Variants in HLCS observed in about 807,000 individuals in gnomAD.
The protein encoded by HLCS is biotin--protein ligase.
HLCS carries 53 observed loss-of-function variants against 75.0 expected under a neutral mutation model. The observed-to-expected ratio is 0.71, with a 90% CI of 0.57 to 0.89. The LOEUF is 0.89. Ranked by LOEUF, HLCS falls within the 40% of genes least tolerant of loss-of-function variation. HLCS has a pLI of 0.00. For synonymous variants in HLCS, 431 were observed against 428.6 expected (o/e 1.01, Z -0.07); for missense variants, 966 against 1,074.0 (o/e 0.90, Z 1.41).
intron 5 of HLCS, among the ~76,000 whole-genome samples, chr21:36,901,473 C>T (rs2065234555): frequency 6.6e-6 from 1 of 152,202 alleles, no homozygotes; most frequent in Admixed American, 6.5e-5. Flanking sequence ...GGACTACAAA[C>T]CGGGTGGCTT....
chr21:36,954,118 C>A (rs1205862929), intron 2 of HLCS, among the ~76,000 whole-genome samples: 1 of 151,670 alleles, frequency 6.6e-6, no homozygotes, highest in Non-Finnish European at 1.5e-5. Context: ...CCATCCTAGG[C>A]AACATGGTGA....
intron 6 of HLCS, among the ~76,000 whole-genome samples, chr21:36,823,017 C>T (rs1358983050): frequency 1.3e-5 from 2 of 152,186 alleles, no homozygotes; most frequent in Non-Finnish European, 2.9e-5. Context: ...ACCTGTGAGC[C>T]TGGACTTCTC....
chr21:36,806,203 C>T (rs1043476247), intron 6 of HLCS: 1 of 152,306 alleles, frequency 6.6e-6, no homozygotes, highest in African/African-American at 2.4e-5. Flanking sequence ...GAGTTCAGCA[C>T]AGTCAGGACC....
At chr21:36,922,013 A>G (rs956849535) in intron 5 of HLCS, among the ~76,000 whole-genome samples, 8 of 152,226 alleles carry the variant, frequency 5.3e-5, no homozygotes, top group African/African-American at 1.9e-4. Context: ...ATAAATGTAT[A>G]TGCATATATA....
chr21:36,975,919 C>T (rs958738564), intron 1 of HLCS, among the ~76,000 whole-genome samples: 2 of 152,242 alleles, frequency 1.3e-5, no homozygotes, highest in African/African-American at 4.8e-5. Flanking sequence ...CTCAACAACT[C>T]TGCATGGTGA....
At chr21:36,896,540 C>T (rs553440912) in intron 6 of HLCS, 5 of 395,052 alleles carry the variant, frequency 1.3e-5, no homozygotes, top group Non-Finnish European at 2.4e-5. Flanking sequence ...AGAATGATAA[C>T]CTGAGCAATA....
intron 9 of HLCS, chr21:36,759,174 G>A (rs140757700): frequency 6.4e-6 from 3 of 471,168 alleles, no homozygotes; most frequent in East Asian, 6.9e-5. Context: ...GCCACAGAGT[G>A]AGGCTGATGA....
At chr21:36,909,321 A>C (rs1160594489) in intron 5 of HLCS, among the ~76,000 whole-genome samples, 1 of 152,270 alleles carries the variant, frequency 6.6e-6, no homozygotes, top group Admixed American at 6.5e-5. Flanking sequence ...ATTTTCTTGA[A>C]TATAAATCAT....
At chr21:36,920,555 G>A (rs891719534) in intron 5 of HLCS, among the ~76,000 whole-genome samples, 24 of 152,202 alleles carry the variant, frequency 1.6e-4, no homozygotes, top group African/African-American at 5.5e-4. Context: ...AAATGCTTGA[G>A]AAGATAGGTA....
At chr21:36,782,977 C>T (rs12627476) in intron 6 of HLCS, among the ~76,000 whole-genome samples, 13,011 of 151,720 alleles carry the variant, frequency 0.086, 605 homozygotes, top group Middle Eastern at 0.11. Flanking sequence ...ACTCTGTCTC[C>T]GAAAAAAACC....
chr21:36,985,355 G>A (rs1327651165), intron 1 of HLCS, among the ~76,000 whole-genome samples: 1 of 152,248 alleles, frequency 6.6e-6, no homozygotes, highest in Non-Finnish European at 1.5e-5. Flanking sequence ...AGCCCCGGCT[G>A]GGCGCGGTGG....
chr21:36,764,990 A>C (rs2089981623), intron 8 of HLCS, 22 bp downstream of exon 8: 3 of 1,613,142 alleles, frequency 1.9e-6, no homozygotes, highest in Non-Finnish European at 2.5e-6. Context: ...AGGGACATAG[A>C]AGGAGACTGA....
chr21:36,790,483 A>C (rs1326362599), intron 6 of HLCS, among the ~76,000 whole-genome samples: 1 of 152,184 alleles, frequency 6.6e-6, no homozygotes, highest in Non-Finnish European at 1.5e-5. Context: ...ACAGCCAACA[A>C]ACACACCAAA....
At chr21:36,976,276 G>C (rs2068934227) in intron 1 of HLCS, among the ~76,000 whole-genome samples, 1 of 152,092 alleles carries the variant, frequency 6.6e-6, no homozygotes. Context: ...AAAATCACCT[G>C]GGAAAACAAC....
At chr21:36,793,207 G>A (rs1401742470) in intron 6 of HLCS, among the ~76,000 whole-genome samples, 3 of 151,410 alleles carry the variant, frequency 2.0e-5, no homozygotes, top group Non-Finnish European at 2.9e-5. Flanking sequence ...TTTTCTCTAC[G>A]ACCCCCGCTG....
intron 5 of HLCS, among the ~76,000 whole-genome samples, chr21:36,920,020 G>C (rs1176698104): frequency 6.6e-6 from 1 of 152,170 alleles, no homozygotes; most frequent in Non-Finnish European, 1.5e-5. Context: ...ACAGAACAGA[G>C]AAGGGTTTGG....
chr21:36,803,486 A>G (rs2061270170), intron 6 of HLCS, among the ~76,000 whole-genome samples: 1 of 152,246 alleles, frequency 6.6e-6, no homozygotes, highest in Non-Finnish European at 1.5e-5. Context: ...TTTATTGCCA[A>G]GGTTCCAGTT....
Position 36,861,565 on chromosome 21 carries a change from C to T in HLCS, c.1892+35295G>A, listed in dbSNP as rs185280252. Among the ~76,000 whole-genome samples, 11 of 152,262 alleles carry T rather than the reference C, an allele frequency of 7.2e-5. No homozygotes were observed. In the East Asian group the frequency reaches 1.9e-3, roughly 27 times the overall value. ...CTTTCACCCTCTACCCTCCAGTAGG[C>T]CACAGGGCCCATTGTTCCCCTCTTT... On this transcript the variant is annotated intron_variant, in intron 6 of 10. Coordinates refer to ENST00000674895, the MANE Select transcript of HLCS (RefSeq NM_001352514.2).
chr21:36,781,505 T>A (rs189656674), intron 6 of HLCS, among the ~76,000 whole-genome samples: 1 of 152,194 alleles, frequency 6.6e-6, no homozygotes, highest in African/African-American at 2.4e-5. Context: ...CTATTATGAA[T>A]ATATCCCATA....
Sources: gnomAD v4.1 joint callset for allele counts (sites outside exome capture counted in the v4.1 genomes callset) on GRCh38, gnomAD v4.1.1 for gene constraint, MANE v1.5 for transcripts, NCBI Gene and HGNC (gene_info 2026-07-23, HGNC 2026-07-21) for gene names.